Variants in TMEM272 observed in about 807,000 individuals in gnomAD.
The protein encoded by TMEM272 is transmembrane protein 272.
A neutral mutation model predicts 3.7 loss-of-function variants in TMEM272; 8 were observed. That is an observed-to-expected ratio of 2.17 (90% CI 1.27 to 3.91). The LOEUF is 3.91. Ranked by LOEUF, TMEM272 falls within the 30% of genes most tolerant of loss-of-function variation. TMEM272 has a pLI of 0.00. For missense variants in TMEM272, 166 were observed against 91.5 expected, an observed-to-expected ratio of 1.81 and a Z score of -3.32; for synonymous variants, 63 against 39.8, an observed-to-expected ratio of 1.58 and a Z score of -2.20.
At chr13:51,897,401 ATGGAGTC>A in the TMEM272 span, among the ~76,000 whole-genome samples, 3 of 92,928 alleles carry the variant, frequency 3.2e-5, no homozygotes, top group Non-Finnish European at 6.1e-5. Flanking sequence ...TTTTGTAGAG[ATGGAGTC>A]TCATTATGTT....
At chr13:51,922,416 G>A in the TMEM272 span, among the ~76,000 whole-genome samples, 13 of 152,134 alleles carry the variant, frequency 8.5e-5, no homozygotes, top group East Asian at 1.9e-4. Context: ...TACTTTTCAC[G>A]GTAATTTTTT....
the TMEM272 span, among the ~76,000 whole-genome samples, chr13:51,906,189 C>T: frequency 6.6e-6 from 1 of 152,200 alleles, no homozygotes; most frequent in African/African-American, 2.4e-5. Flanking sequence ...CAAAGGTTAA[C>T]TTAGCCCGCT....
chr13:51,888,298 G>T, the TMEM272 span, among the ~76,000 whole-genome samples: 1 of 151,964 alleles, frequency 6.6e-6, no homozygotes. Context: ...CGTTCACCTC[G>T]GACTCCCAAA....
chr13:51,868,275 T>C, the TMEM272 span, among the ~76,000 whole-genome samples: 1 of 152,206 alleles, frequency 6.6e-6, no homozygotes, highest in Non-Finnish European at 1.5e-5. Flanking sequence ...ACAATGTCAT[T>C]ATTTGGAAAA....
chr13:51,827,810 T>C (rs7986736), intron 2 of TMEM272, among the ~76,000 whole-genome samples: 1 of 152,208 alleles, frequency 6.6e-6, no homozygotes, highest in Admixed American at 6.5e-5. Flanking sequence ...GAAAAGGGCA[T>C]GAAGTTTCAC....
chr13:51,843,470 G>A (rs1469560191), intron 1 of TMEM272, among the ~76,000 whole-genome samples: 1 of 152,152 alleles, frequency 6.6e-6, no homozygotes. Flanking sequence ...ATGCCCAATA[G>A]AGCAAATACA....
chr13:51,838,838 C>T (rs1270464233), intron 1 of TMEM272, among the ~76,000 whole-genome samples: 1 of 152,152 alleles, frequency 6.6e-6, no homozygotes, highest in African/African-American at 2.4e-5. Flanking sequence ...TAACAGCTCT[C>T]ACTTGCTGAG....
the TMEM272 span, among the ~76,000 whole-genome samples, chr13:51,921,031 G>A: frequency 3.9e-5 from 6 of 152,310 alleles, no homozygotes; most frequent in African/African-American, 9.6e-5. Context: ...ACAGCTCTGC[G>A]ACGCCTGGTG....
At chr13:51,904,529 C>A in the TMEM272 span, among the ~76,000 whole-genome samples, 16 of 152,050 alleles carry the variant, frequency 1.1e-4, no homozygotes, top group Admixed American at 1.0e-3. Context: ...AATAGGAATT[C>A]ATGGTATGGA....
the TMEM272 span, chr13:51,932,622 G>A: frequency 6.6e-6 from 1 of 152,220 alleles, no homozygotes; most frequent in African/African-American, 2.4e-5. Flanking sequence ...CCCTCGTGAA[G>A]ACAAGACGGC....
chr13:51,862,112 A>ACT, the TMEM272 span: 1 of 152,276 alleles, frequency 6.6e-6, no homozygotes, highest in Non-Finnish European at 1.5e-5. Context: ...CAGACAGGTC[A>ACT]CTGCCAGCAT....
upstream of TMEM272, among the ~76,000 whole-genome samples, chr13:51,848,727 T>C (rs977054391): frequency 2.0e-5 from 3 of 152,144 alleles, no homozygotes; most frequent in Non-Finnish European, 4.4e-5. Flanking sequence ...ATGCTAAAGT[T>C]GCCCAAAGAC....
At chr13:51,822,502 C>T (rs973969981) in intron 3 of TMEM272, among the ~76,000 whole-genome samples, 5 of 152,176 alleles carry the variant, frequency 3.3e-5, no homozygotes, top group African/African-American at 4.8e-5. Flanking sequence ...TTTAAATATA[C>T]GGTTTTCTTG....
the TMEM272 span, among the ~76,000 whole-genome samples, chr13:51,928,966 AG>A: frequency 6.6e-6 from 1 of 152,256 alleles, no homozygotes; most frequent in African/African-American, 2.4e-5. Context: ...TGGGAGGCCA[AG>A]ATGAGGGGAT....
At chr13:51,861,288 A>T in the TMEM272 span, among the ~76,000 whole-genome samples, 1 of 152,186 alleles carries the variant, frequency 6.6e-6, no homozygotes, top group Admixed American at 6.5e-5. Context: ...AAGGTACAAC[A>T]TGAGGACTGT....
At chr13:51,839,878 T>C (rs1456493516) in intron 1 of TMEM272, among the ~76,000 whole-genome samples, 2 of 152,184 alleles carry the variant, frequency 1.3e-5, no homozygotes, top group Non-Finnish European at 2.9e-5. Flanking sequence ...GACTCGGGGT[T>C]CTTATTTCCC....
At chr13:51,903,972 T>TGTGTGTGTGTGTGTG in the TMEM272 span, among the ~76,000 whole-genome samples, 30 of 151,420 alleles carry the variant, frequency 2.0e-4, no homozygotes, top group South Asian at 4.2e-4. Context: ...TGTGTGTGTG[T>TGTGTGTGTGTGTGTG]TTAGAAAGAA....
At chr13:51,840,724 T>G (rs1008852048) in intron 1 of TMEM272, among the ~76,000 whole-genome samples, 1 of 152,248 alleles carries the variant, frequency 6.6e-6, no homozygotes, top group African/African-American at 2.4e-5. Context: ...TCAGTAATGT[T>G]TAATGAATAA....
chr13:51,896,880 G>C, the TMEM272 span, among the ~76,000 whole-genome samples: 1 of 152,178 alleles, frequency 6.6e-6, no homozygotes, highest in African/African-American at 2.4e-5. Context: ...CTGAATCACT[G>C]GGGTAGGACC....
Sources: gnomAD v4.1 joint callset for allele counts (sites outside exome capture counted in the v4.1 genomes callset) on GRCh38, gnomAD v4.1.1 for gene constraint, MANE v1.5 for transcripts, NCBI Gene and HGNC (gene_info 2026-07-23, HGNC 2026-07-21) for gene names.